ACVRL1: variants seen among roughly 807,000 people sequenced by gnomAD.
ACVRL1 encodes activin receptor type-1-like.
A neutral mutation model predicts 51.9 loss-of-function variants in ACVRL1; 20 were observed. That is an observed-to-expected ratio of 0.39 (90% confidence interval 0.27 to 0.56). The LOEUF (loss-of-function observed/expected upper bound fraction) is 0.56. Ranked by LOEUF, ACVRL1 falls within the 20% of genes least tolerant of loss-of-function variation. The pLI is 0.67. For synonymous variants in ACVRL1, 288 were observed against 280.9 expected (o/e 1.03, Z -0.25); for missense variants, 451 against 670.3 (o/e 0.67, Z 3.61).
intron 2 of ACVRL1, 70 bp downstream of exon 2, chr12:51,912,605 C>CCCCAGGCAGAGCTGA: frequency 1.5e-6 from 2 of 1,348,820 alleles, no homozygotes; most frequent in Non-Finnish European, 2.1e-6. Flanking sequence ...CCCAGATCAG[C>CCCCAGGCAGAGCTGA]TCTGCCTGGG....
Position 51,920,942 on chromosome 12 carries a change from G to GGGGC in ACVRL1, c.*50_*53dup. ...TGCCTGCAGGGGGCTGGGGGGGTGG[G>GGGGC]GGGCAGTGGATGGTGCCCTATCTGG... On this transcript the variant is annotated 3_prime_UTR_variant, in exon 10 of 10. Transcript: ENST00000388922. 1.6e-6 allele frequency: 1 copy of GGGGC among 629,042 alleles called. No homozygotes were observed. Among genetic ancestry groups the GGGGC allele is most frequent in the Non-Finnish European group, 2.9e-6 (1 of 341,658 alleles). The allele number at this position is 629,042 out of a possible 1,614,324, so 39.0% of individuals were successfully genotyped here. A position where few individuals can be genotyped will look rare whatever the true frequency, so the allele number is the denominator to read the frequency against.
At chr12:51,910,160 T>C (rs1298807034) in intron 1 of ACVRL1, among the ~76,000 whole-genome samples, 2 of 152,216 alleles carry the variant, frequency 1.3e-5, no homozygotes, top group Non-Finnish European at 1.5e-5. Flanking sequence ...AGACCATAGA[T>C]GGGTTCTGCA....
At position 51,921,210 on chromosome 12, in the gene ACVRL1, A is replaced by G. The variant is rs1940972528; in HGVS notation, c.*317A>G. 2 of 391,668 alleles carry G rather than the reference A, an allele frequency of 5.1e-6. No individual in the cohort carries two copies. The highest frequency in any genetic ancestry group is 6.0e-5 in the East Asian group (1 of 16,546). The allele number at this position is 391,668 out of a possible 1,614,324, so 24.3% of individuals were successfully genotyped here. On this transcript the variant is annotated 3_prime_UTR_variant, in exon 10 of 10. Transcript: ENST00000388922. ...GGCTCCAGAGTCAGAGTGCCAAGCC[A>G]GGGAATCCCAGTCCCAGACTCAGAG...
intron 6 of ACVRL1, 96 bp from the exon 7 acceptor site, chr12:51,915,129 C>T: frequency 1.5e-6 from 2 of 1,348,012 alleles, no homozygotes; most frequent in Non-Finnish European, 2.1e-6. Flanking sequence ...GTGACCCAGT[C>T]CATTCCCTCT....
intron 9 of ACVRL1, chr12:51,919,361 C>CTGTGTG (rs1940915080): frequency 1.9e-6 from 1 of 523,814 alleles, no homozygotes; most frequent in African/African-American, 2.3e-5. Context: ...CTATCTGTGG[C>CTGTGTG]TCTGTGTGTG....
intron 4 of ACVRL1, 95 bp from the exon 5 acceptor site, chr12:51,913,879 G>A: frequency 1.3e-6 from 2 of 1,568,560 alleles, no homozygotes; most frequent in Non-Finnish European, 1.7e-6. Flanking sequence ...GGCGAGTGAG[G>A]AGCTTGCAGT....
Position 51,921,094 on chromosome 12 carries a change from A to G in ACVRL1, c.*201A>G. On this transcript the variant is annotated 3_prime_UTR_variant, in exon 10 of 10. Coordinates refer to ENST00000388922, the MANE Select transcript of ACVRL1 (RefSeq NM_000020.3). ...GATCCCCTGCTGTCTGGCCTGCTCA[A>G]AGCGGCAGGCTCCCTGACGCCTGGC... 1 of 642,084 alleles carries G rather than the reference A, an allele frequency of 1.6e-6. No individual in the cohort carries two copies. Among genetic ancestry groups the G allele is most frequent in the South Asian group, 1.9e-5 (1 of 53,814 alleles). 39.8% of individuals were successfully genotyped at this position (642,084 alleles called of 1,614,324 possible). A position where few individuals can be genotyped will look rare whatever the true frequency, so the allele number is the denominator to read the frequency against.
Position 51,917,059 on chromosome 12 carries a change from A to T in ACVRL1, c.1246+826A>T, listed in dbSNP as rs706814. Among the ~76,000 whole-genome samples the T allele has an allele frequency of 0.051, 7,793 of 152,348 alleles. 607 individuals carry two copies. Among genetic ancestry groups the T allele is most frequent in the African/African-American group, 0.17 (7,092 of 41,562 alleles). On this transcript the variant is annotated intron_variant, in intron 8 of 9. Transcript: ENST00000388922. The surrounding 1 kb of genome is among the most constrained non-coding windows in gnomAD (Gnocchi z 4.2). ...TTGAGATAATCTAAGTATTTAGAACAGTATCTAGAGCTAAATATTAGTGGC... is the reference window on the plus strand; with the variant it reads ...TTGAGATAATCTAAGTATTTAGAACTGTATCTAGAGCTAAATATTAGTGGC...
At position 51,921,053 on chromosome 12, in the gene ACVRL1, A is replaced by G; in HGVS notation, c.*160A>G. ...CCCCAGCCCACCCAGCCAAAAATAC[A>G]GCTGGGCTGAAACCTGATCCCCTGC... On this transcript the variant is annotated 3_prime_UTR_variant, in exon 10 of 10. Coordinates refer to ENST00000388922, the MANE Select transcript of ACVRL1 (RefSeq NM_000020.3). The G allele has an allele frequency of 1.1e-6, 1 of 876,842 alleles. No homozygotes were observed. The highest frequency in any genetic ancestry group is 1.8e-6 in the Non-Finnish European group (1 of 561,170). The allele number at this position is 876,842 out of a possible 1,614,324, so 54.3% of individuals were successfully genotyped here.
At position 51,920,942 on chromosome 12, in the gene ACVRL1, G is replaced by GGGGGGGGGGGCCC; in HGVS notation, c.*52_*53insGGGGGGGCCCGGG. 1 of 629,042 alleles carries GGGGGGGGGGGCCC rather than the reference G, an allele frequency of 1.6e-6. No homozygotes were observed. Among genetic ancestry groups the GGGGGGGGGGGCCC allele is most frequent in the South Asian group, 1.5e-5 (1 of 66,304 alleles). The allele number at this position is 629,042 out of a possible 1,614,324, so 39.0% of individuals were successfully genotyped here. On this transcript the variant is annotated 3_prime_UTR_variant, in exon 10 of 10. Transcript: ENST00000388922. Reference sequence around the variant, plus strand: ...TGCCTGCAGGGGGCTGGGGGGGTGGGGGGCAGTGGATGGTGCCCTATCTGG... The same window carrying GGGGGGGGGGGCCC: ...TGCCTGCAGGGGGCTGGGGGGGTGGGGGGGGGGGGGCCCGGGCAGTGGATGGTGCCCTATCTGG...
rs542225698 is a variant in ACVRL1, at chr12:51,912,316, C to T, written c.-5-154C>T. The T allele has an allele frequency of 1.4e-3, 1,118 of 795,802 alleles. 1 individual carries two copies. The highest frequency in any genetic ancestry group is 2.1e-3 in the Non-Finnish European group (989 of 463,130). The allele number at this position is 795,802 out of a possible 1,614,324, so 49.3% of individuals were successfully genotyped here. ...TGAACCAGGACTTCCCCTGCAGGCC[C>T]CGCCCCAAAGCCAGGCGGCAGGGAG... On this transcript the variant is annotated intron_variant, in intron 1 of 9. Transcript: ENST00000388922.
chr12:51,918,029 T>C (rs1940879729), intron 8 of ACVRL1, among the ~76,000 whole-genome samples: 1 of 152,216 alleles, frequency 6.6e-6, no homozygotes, highest in African/African-American at 2.4e-5. Flanking sequence ...GGAGAACAGC[T>C]GGCGAAGGCT....
intron 9 of ACVRL1, among the ~76,000 whole-genome samples, chr12:51,919,738 G>A (rs1163140957): frequency 6.6e-6 from 1 of 152,044 alleles, no homozygotes; most frequent in African/African-American, 2.4e-5. Context: ...TTGCTGTTTT[G>A]TTGTTGTTTG....
Position 51,913,598 on chromosome 12 carries a change from A to G in ACVRL1, c.353A>G (p.Gln118Arg). The change falls in exon 4 of 10, where the codon CAG becomes CGG. Residue 118 changes from glutamine (Q) to arginine (R), a missense_variant. Physicochemically the swap from Gln to Arg is conservative, Grantham distance 43 (BLOSUM62 1). Around this residue, in one of 2 missense-constraint regions of ACVRL1, gnomAD observed 192 missense variants for 216.9 expected, o/e 0.89. Transcript: ENST00000388922. The part of the protein sequence containing the change: ...PPSEQPGTDG[Q>R]LALILGPVLA... ...TCGGAGCAGCCGGGAACAGATGGCC[A>G]GCTGGCCCTGATCCTGGGCCCCGTG... 6.2e-7 allele frequency: 1 copy of G among 1,600,926 alleles called. No homozygotes were observed. Among genetic ancestry groups the G allele is most frequent in the Non-Finnish European group, 8.5e-7 (1 of 1,179,884 alleles).
At position 51,914,470 on chromosome 12, in the gene ACVRL1, C is replaced by T. The variant is rs748486829; in HGVS notation, c.657C>T (p.Gly219=). The T allele has an allele frequency of 6.2e-7, 1 of 1,614,110 alleles. No homozygotes were observed. Among genetic ancestry groups the T allele is most frequent in the South Asian group, 1.1e-5 (1 of 91,082 alleles). ...GKGRYGEVWR[G]LWHGESVAVK... Reference sequence around the variant, plus strand: ...GCCGCTATGGCGAAGTGTGGCGGGGCTTGTGGCACGGTGAGAGTGTGGCCG... The same window carrying T: ...GCCGCTATGGCGAAGTGTGGCGGGGTTTGTGGCACGGTGAGAGTGTGGCCG... Residue 219 remains glycine (G), a synonymous_variant, in exon 6 of 10, where the codon GGC becomes GGT. Coordinates refer to ENST00000388922, the MANE Select transcript of ACVRL1 (RefSeq NM_000020.3).
At chr12:51,918,283 G>T (rs1020023517) in intron 8 of ACVRL1, among the ~76,000 whole-genome samples, 2 of 152,218 alleles carry the variant, frequency 1.3e-5, no homozygotes, top group Non-Finnish European at 2.9e-5. Flanking sequence ...CAGCTCAGAG[G>T]TCAAGAGCAC....
Position 51,914,164 on chromosome 12 carries a change from G to A in ACVRL1, c.625+91G>A, listed in dbSNP as rs564565137. On this transcript the variant is annotated intron_variant, in intron 5 of 9. Coordinates refer to ENST00000388922, the MANE Select transcript of ACVRL1 (RefSeq NM_000020.3). ...GTTTTTGGCTACTGGAATCACAGGC[G>A]GTGCCAGGCCTGGGTCAGAATTGGA... 42 of 1,419,072 alleles carry A rather than the reference G, an allele frequency of 3.0e-5. No homozygotes were observed. The East Asian group carries it at 5.2e-4, about 17-fold the overall frequency. The allele number at this position is 1,419,072 out of a possible 1,614,324, so 87.9% of individuals were successfully genotyped here. A position where few individuals can be genotyped will look rare whatever the true frequency, so the allele number is the denominator to read the frequency against.
At chr12:51,908,749 C>T (rs1940639654) in intron 1 of ACVRL1, among the ~76,000 whole-genome samples, 1 of 152,068 alleles carries the variant, frequency 6.6e-6, no homozygotes, top group Admixed American at 6.5e-5. Context: ...ATTATTATTC[C>T]CACTTTACAT....
intron 9 of ACVRL1, among the ~76,000 whole-genome samples, chr12:51,919,822 A>G (rs1940927889): frequency 6.6e-6 from 1 of 152,222 alleles, no homozygotes; most frequent in Admixed American, 6.5e-5. Flanking sequence ...AAGCGTGAAT[A>G]TCCTTCTGAA....
Sources: gnomAD v4.1 joint callset for allele counts (sites outside exome capture counted in the v4.1 genomes callset) on GRCh38, gnomAD v4.1.1 for gene constraint, gnomAD v4.1.1 regional missense constraint, Gnocchi (gnomAD v3.1) non-coding constraint, MANE v1.5 for transcripts, NCBI Gene and HGNC (gene_info 2026-07-23, HGNC 2026-07-21) for gene names.